AHI1: variants seen among roughly 807,000 people sequenced by gnomAD.
AHI1 encodes the protein jouberin.
A neutral mutation model predicts 149.3 loss-of-function variants in AHI1; 123 were observed. The ratio of observed to expected loss-of-function variants is 0.82; its 90% CI spans 0.71 to 0.96. The LOEUF (loss-of-function observed/expected upper bound fraction) is 0.96, where lower values mean the gene tolerates loss of function less well. Among genes scored for constraint, AHI1 ranks in the 40% least tolerant of loss-of-function variants. AHI1 has a pLI of 0.00. For missense variants in AHI1, 1,439 were observed against 1,422.7 expected (o/e 1.01, Z -0.18); for synonymous variants, 475 against 459.8 (o/e 1.03, Z -0.42).
At chr6:135,301,807 T>G in intron 26 of AHI1, 1 of 985,420 alleles carries the variant, frequency 1.0e-6, no homozygotes, top group Non-Finnish European at 1.2e-6. Flanking sequence ...GGGAAAAAAG[T>G]ACATACACAC....
intron 3 of AHI1, chr6:135,495,266 C>A (rs1795808396): frequency 6.6e-6 from 1 of 151,938 alleles, no homozygotes; most frequent in Non-Finnish European, 1.5e-5. Flanking sequence ...GCTTAAAATT[C>A]TTCACTAGCT....
intron 26 of AHI1, among the ~76,000 whole-genome samples, chr6:135,310,640 T>C (rs1700095898): frequency 6.6e-6 from 1 of 152,250 alleles, no homozygotes; most frequent in Admixed American, 6.5e-5. Flanking sequence ...AGATTAGCTA[T>C]AATAGATATT....
chr6:135,383,256 G>T (rs1777121515), intron 23 of AHI1, among the ~76,000 whole-genome samples: 1 of 20,504 alleles, frequency 4.9e-5, no homozygotes, highest in Non-Finnish European at 7.6e-5. Context: ...TTGAGACAGG[G>T]TCTTGCTCTG....
Position 135,467,589 on chromosome 6 carries a change from T to C in AHI1, c.181A>G (p.Ser61Gly). The change falls in exon 6 of 29, where the codon AGT becomes GGT. Residue 61 changes from serine (S) to glycine (G), a missense_variant. By Grantham distance (56) the Ser-to-Gly change is moderately conservative (BLOSUM62 0). Transcript: ENST00000265602. ...GTGTTAGCAGTACTTACATCATCAC[T>C]TGTAGTTTCTTTCATATAGTGAAGA... ...SNLHYMKETT[S>G]DDPDTIRSNL... 4 of 1,609,412 alleles carry C rather than the reference T, an allele frequency of 2.5e-6. No homozygotes were observed. Among genetic ancestry groups the C allele is most frequent in the South Asian group, 1.1e-5 (1 of 90,794 alleles).
intron 23 of AHI1, among the ~76,000 whole-genome samples, chr6:135,372,105 G>A (rs1449414852): frequency 2.6e-5 from 4 of 152,186 alleles, no homozygotes; most frequent in Admixed American, 6.5e-5. Flanking sequence ...TTGGGAGATG[G>A]CTGTAACTTG....
chr6:135,326,959 C>T (rs1787797625), intron 24 of AHI1, among the ~76,000 whole-genome samples: 1 of 152,180 alleles, frequency 6.6e-6, no homozygotes, highest in South Asian at 2.1e-4. Context: ...CTTTGTGTAG[C>T]TTAGCTCCTA....
At chr6:135,449,965 T>C (rs1158172442) in intron 11 of AHI1, among the ~76,000 whole-genome samples, 1 of 152,178 alleles carries the variant, frequency 6.6e-6, no homozygotes, top group East Asian at 1.9e-4. Flanking sequence ...CCAATTGAAG[T>C]GGCAGAGAGA....
intron 19 of AHI1, among the ~76,000 whole-genome samples, chr6:135,428,360 T>C (rs1784192987): frequency 6.6e-6 from 1 of 151,702 alleles, no homozygotes; most frequent in Admixed American, 6.6e-5. Context: ...AGATCAGCAA[T>C]GTCTCATTAT....
In AHI1 at chr6:135,455,871, T is replaced by C. The variant is rs1361274909; in HGVS notation, c.1207A>G (p.Ile403Val). The C allele has an allele frequency of 4.4e-6, 7 of 1,586,028 alleles. No individual in the cohort carries two copies. The highest frequency in any genetic ancestry group is 2.3e-5 in the East Asian group (1 of 44,428). The change falls in exon 10 of 29, where the codon ATT (isoleucine) becomes GTT (valine). Residue 403 changes from isoleucine (I) to valine (V), a missense_variant. Physicochemically the swap from Ile to Val is conservative, Grantham distance 29. Coordinates refer to ENST00000265602, the MANE Select transcript of AHI1 (RefSeq NM_001134831.2). ...TTAAAATCATATGGCTGGGTCATAA[T>C]AGGAAGAATATAATCCACATTCTCT... ...EKENVDYILP[I>V]MTQPYDFKQL...
At chr6:135,304,930 G>C (rs1784368252) in intron 26 of AHI1, 1 of 152,162 alleles carries the variant, frequency 6.6e-6, no homozygotes, top group African/African-American at 2.4e-5. Flanking sequence ...TCTTTGAGGG[G>C]TAAGACCTAG....
chr6:135,387,755 C>A, intron 23 of AHI1: 2 of 1,165,166 alleles, frequency 1.7e-6, no homozygotes. Flanking sequence ...TAATTTCAAA[C>A]TAAAAAAAAA....
At chr6:135,469,093 CTGA>C (rs1791281673) in intron 5 of AHI1, among the ~76,000 whole-genome samples, 1 of 152,208 alleles carries the variant, frequency 6.6e-6, no homozygotes, top group Admixed American at 6.5e-5. Context: ...CTGACGAACA[CTGA>C]TGCAAATATC....
chr6:135,326,641 AC>A (rs1393751891), intron 24 of AHI1, among the ~76,000 whole-genome samples: 3 of 151,812 alleles, frequency 2.0e-5, no homozygotes, highest in African/African-American at 7.3e-5. Flanking sequence ...GCTCACTGCA[AC>A]CTCTGCCTCC....
chr6:135,306,396 G>A (rs6912933), intron 26 of AHI1, among the ~76,000 whole-genome samples: 69,724 of 151,876 alleles, frequency 0.46, 17,533 homozygotes, highest in Middle Eastern at 0.61. Flanking sequence ...AAATGTGAGG[G>A]GATTCATATT....
chr6:135,433,248 T>A lies in AHI1; in HGVS notation c.2045A>T (p.Lys682Ile). 6.3e-7 allele frequency: 1 copy of A among 1,597,368 alleles called. No homozygotes were observed. The highest frequency in any genetic ancestry group is 8.6e-7 in the Non-Finnish European group (1 of 1,165,884). The change falls in exon 16 of 29, where the codon AAA becomes ATA. Residue 682 changes from lysine to isoleucine, a missense_variant. Transcript: ENST00000265602. ...SSSDGTARIW[K>I]NEINNTNTFR... is the part of the protein sequence containing the mutation. Reference sequence around the variant, plus strand: ...AGTATTTGTATTGTTTATTTCATTTTTCCATATCCTGGAAAAGGATAAGAA... The same window carrying A: ...AGTATTTGTATTGTTTATTTCATTTATCCATATCCTGGAAAAGGATAAGAA...
chr6:135,388,776 C>G (rs1049593736), intron 23 of AHI1, among the ~76,000 whole-genome samples: 38 of 151,680 alleles, frequency 2.5e-4, no homozygotes, highest in African/African-American at 8.5e-4. Flanking sequence ...CTTTGGGAGG[C>G]TGAGATGGGC....
intron 24 of AHI1, 83 bp from the exon 25 acceptor site, chr6:135,323,407 G>C (rs1787175943): frequency 1.5e-5 from 22 of 1,467,528 alleles, no homozygotes; most frequent in Non-Finnish European, 2.0e-5. Flanking sequence ...TCTTGCAGAA[G>C]AGCAGCTGAA....
At chr6:135,483,845 A>G (rs139637315) in intron 5 of AHI1, among the ~76,000 whole-genome samples, 2 of 152,308 alleles carry the variant, frequency 1.3e-5, no homozygotes, top group African/African-American at 2.4e-5. Context: ...AACTGCAGGC[A>G]CTGTTCAAAT....
chr6:135,394,578 T>C (rs1778954140), intron 23 of AHI1, 198 bp downstream of exon 23: 2 of 640,646 alleles, frequency 3.1e-6, no homozygotes, highest in Non-Finnish European at 5.3e-6. Flanking sequence ...AGGTTCAGTG[T>C]ATCTACTGTT....
Sources: allele counts gnomAD v4.1 joint callset (sites outside exome capture counted in the v4.1 genomes callset), GRCh38; gene constraint gnomAD v4.1.1; transcripts MANE v1.5; gene names NCBI Gene and HGNC (gene_info 2026-07-23, HGNC 2026-07-21).